Variants in SHISA9 observed in about 807,000 individuals in gnomAD.
SHISA9 encodes protein shisa-9.
In SHISA9, 13 loss-of-function variants were observed where a neutral mutation model predicts 38.0. That is an observed-to-expected ratio of 0.34 (90% confidence interval 0.22 to 0.54). The LOEUF (loss-of-function observed/expected upper bound fraction) is 0.54. Ranked by LOEUF, SHISA9 falls within the 20% of genes least tolerant of loss-of-function variation. SHISA9 has a pLI of 0.91. For missense variants in SHISA9, 538 were observed against 575.8 expected (o/e 0.93, Z 0.67); for synonymous variants, 275 against 242.0 (o/e 1.14, Z -1.27).
intron 2 of SHISA9, among the ~76,000 whole-genome samples, chr16:12,983,191 A>G (rs956220537): frequency 2.6e-5 from 4 of 152,174 alleles, no homozygotes; most frequent in Non-Finnish European, 4.4e-5. Flanking sequence ...AGAATATAAT[A>G]GGCCCAGAGA....
At chr16:13,116,744 A>G (rs2074034350) in intron 2 of SHISA9, among the ~76,000 whole-genome samples, 1 of 152,164 alleles carries the variant, frequency 6.6e-6, no homozygotes, top group South Asian at 2.1e-4. Flanking sequence ...TGGTGAAGAT[A>G]TTGTCTACCC....
the SHISA9 span, among the ~76,000 whole-genome samples, chr16:13,410,941 A>C: frequency 2.0e-5 from 3 of 152,238 alleles, no homozygotes; most frequent in South Asian, 6.2e-4. Context: ...CATTAATATC[A>C]TTAAATCTAA....
At chr16:13,076,034 T>C (rs2073577630) in intron 2 of SHISA9, among the ~76,000 whole-genome samples, 1 of 151,322 alleles carries the variant, frequency 6.6e-6, no homozygotes, top group Non-Finnish European at 1.5e-5. Context: ...AATAGATTTT[T>C]TTTTTTTTTT....
At position 12,933,281 on chromosome 16, in the gene SHISA9, T is replaced by C. The variant is rs914682097; in HGVS notation, c.691+16466T>C. ...CTTTAGTTTTCTATAGGAATGCCAATTCAGAGTTGTCTTTGTTGTCTTTTT... is the reference window on the plus strand; with the variant it reads ...CTTTAGTTTTCTATAGGAATGCCAACTCAGAGTTGTCTTTGTTGTCTTTTT... On this transcript the variant is annotated intron_variant, in intron 2 of 4. Transcript: ENST00000558583. Among the ~76,000 whole-genome samples the C allele has an allele frequency of 4.6e-5, 7 of 152,170 alleles. No individual in the cohort carries two copies. In the East Asian group the frequency reaches 1.2e-3, roughly 25 times the overall value.
intron 2 of SHISA9, among the ~76,000 whole-genome samples, chr16:13,040,059 G>T (rs2073116405): frequency 6.6e-6 from 1 of 152,016 alleles, no homozygotes; most frequent in Non-Finnish European, 1.5e-5. Context: ...CCAAGTCAAG[G>T]CCTCCTCCCA....
the SHISA9 span, among the ~76,000 whole-genome samples, chr16:13,540,082 C>CA: frequency 6.6e-6 from 1 of 152,122 alleles, no homozygotes; most frequent in African/African-American, 2.4e-5. Flanking sequence ...TGTCTGCCTT[C>CA]ATGACAAAGA....
At chr16:12,959,708 G>T (rs902661726) in intron 2 of SHISA9, among the ~76,000 whole-genome samples, 4 of 152,124 alleles carry the variant, frequency 2.6e-5, no homozygotes, top group African/African-American at 7.2e-5. Flanking sequence ...TAGGGTGGGG[G>T]TTGAACTGCC....
the SHISA9 span, among the ~76,000 whole-genome samples, chr16:13,296,575 T>A: frequency 4.1e-5 from 6 of 144,820 alleles, no homozygotes; most frequent in Non-Finnish European, 9.3e-5. Flanking sequence ...AAAAAAAAAA[T>A]AACCCTTCAC....
At position 13,167,021 on chromosome 16, in the gene SHISA9, AT is replaced by A. The variant is rs897420946; in HGVS notation, c.692-36365del. On this transcript the variant is annotated intron_variant, in intron 2 of 4. Coordinates refer to ENST00000558583, the MANE Select transcript of SHISA9 (RefSeq NM_001145204.3). ...TTAAGATTTTTTTTCCTTTAGGAGA[AT>A]TTTTTTTATTCTTACTTTACTCTAC... Among the ~76,000 whole-genome samples the A allele has an allele frequency of 6.7e-5, 10 of 148,682 alleles. No individual in the cohort carries two copies. In the East Asian group the frequency reaches 1.6e-3, roughly 24 times the overall value.
intron 2 of SHISA9, among the ~76,000 whole-genome samples, chr16:12,973,531 A>C (rs138889205): frequency 6.6e-6 from 1 of 152,352 alleles, no homozygotes; most frequent in South Asian, 2.1e-4. Flanking sequence ...ACTGGGAGGC[A>C]TCAGACTAAT....
chr16:13,490,368 G>C, the SHISA9 span, among the ~76,000 whole-genome samples: 1 of 152,082 alleles, frequency 6.6e-6, no homozygotes, highest in African/African-American at 2.4e-5. Context: ...GGGTGACATG[G>C]ACAGACCCTA....
the SHISA9 span, among the ~76,000 whole-genome samples, chr16:13,471,392 C>T: frequency 6.6e-6 from 1 of 152,158 alleles, no homozygotes; most frequent in East Asian, 1.9e-4. Flanking sequence ...ATTTAGGAAA[C>T]ACCACTCTGT....
At chr16:13,311,104 C>G in the SHISA9 span, among the ~76,000 whole-genome samples, 1 of 151,988 alleles carries the variant, frequency 6.6e-6, no homozygotes, top group African/African-American at 2.4e-5. Flanking sequence ...ATTGCAGGGC[C>G]TAGAAGATAC....
At chr16:13,051,357 C>T (rs1447620237) in intron 2 of SHISA9, among the ~76,000 whole-genome samples, 2 of 152,086 alleles carry the variant, frequency 1.3e-5, no homozygotes, top group South Asian at 2.1e-4. Context: ...GGGAAACCAC[C>T]CCGATGATGC....
At chr16:12,907,263 CT>C (rs2071114317) in intron 1 of SHISA9, among the ~76,000 whole-genome samples, 1 of 143,366 alleles carries the variant, frequency 7.0e-6, no homozygotes, top group South Asian at 2.4e-4. Context: ...ACCCTTCTTC[CT>C]TCTGTCTTCT....
At chr16:13,326,142 T>A in the SHISA9 span, among the ~76,000 whole-genome samples, 1 of 151,588 alleles carries the variant, frequency 6.6e-6, no homozygotes, top group East Asian at 1.9e-4. Flanking sequence ...CTTAAAATAA[T>A]CAGACAGAGA....
At chr16:13,244,416 C>G (rs1393624854), downstream of SHISA9, among the ~76,000 whole-genome samples, 1 of 152,084 alleles carries the variant, frequency 6.6e-6, no homozygotes, top group African/African-American at 2.4e-5. Context: ...GTGAAGATGA[C>G]AAGGATGAAG....
chr16:13,497,922 C>G, the SHISA9 span, among the ~76,000 whole-genome samples: 3 of 151,526 alleles, frequency 2.0e-5, no homozygotes, highest in Non-Finnish European at 4.4e-5. Flanking sequence ...AAAATAAGTG[C>G]AAATACGTGA....
At chr16:13,067,752 G>A (rs750905322) in intron 2 of SHISA9, among the ~76,000 whole-genome samples, 4 of 152,134 alleles carry the variant, frequency 2.6e-5, no homozygotes, top group African/African-American at 7.2e-5. Flanking sequence ...TCCCCAGTCC[G>A]CCTGCACCTG....
Sources: allele counts gnomAD v4.1 joint callset (sites outside exome capture counted in the v4.1 genomes callset), GRCh38; gene constraint gnomAD v4.1.1; transcripts MANE v1.5; gene names NCBI Gene and HGNC (gene_info 2026-07-23, HGNC 2026-07-21).